CCR3: variants seen among roughly 807,000 people sequenced by gnomAD.
The protein encoded by CCR3 is C-C chemokine receptor type 3.
For missense variants in CCR3, 419 were observed against 437.5 expected (o/e 0.96, Z 0.38); for synonymous variants, 203 against 179.2 (o/e 1.13, Z -1.06).
chr3:46,265,484 T>C lies in CCR3; in HGVS notation c.326T>C (p.Leu109Pro), dbSNP rs1700603548. 1.2e-6 allele frequency: 2 copies of C among 1,614,096 alleles called. No individual in the cohort carries two copies. The highest frequency in any genetic ancestry group is 1.6e-4 in the Middle Eastern group (1 of 6,082). ...WVFGHGMCKL[L>P]SGFYHTGLYS... ...TTTGGCCATGGCATGTGTAAGCTCC[T>C]CTCAGGGTTTTATCACACAGGCTTG... is the stretch of plus-strand genomic sequence containing the variant. The change falls in exon 2 of 2, where the codon CTC becomes CCC. Residue 109 changes from leucine to proline, a missense_variant. Coordinates refer to ENST00000395940, the MANE Select transcript of CCR3 (RefSeq NM_178329.3).
At chr3:46,242,735 C>T (rs1559530819) in intron 1 of CCR3, among the ~76,000 whole-genome samples, 197 bp downstream of exon 1, 1 of 151,438 alleles carries the variant, frequency 6.6e-6, no homozygotes, top group Non-Finnish European at 1.5e-5. Flanking sequence ...TTCTAATTTT[C>T]CCTTTCTGTC....
intron 2 of CCR3, among the ~76,000 whole-genome samples, chr3:46,219,737 G>A: frequency 6.6e-6 from 1 of 152,102 alleles, no homozygotes; most frequent in South Asian, 2.1e-4. Flanking sequence ...CATAAAGTGG[G>A]GAAAGGACAC....
chr3:46,251,090 G>A (rs574649362), intron 1 of CCR3, among the ~76,000 whole-genome samples: 59 of 151,876 alleles, frequency 3.9e-4, no homozygotes, highest in Middle Eastern at 3.4e-3. Context: ...AAGCAGAGAA[G>A]GGGTAGAGAC....
At chr3:46,243,703 GATT>G (rs1359718403) in intron 1 of CCR3, among the ~76,000 whole-genome samples, 1 of 152,190 alleles carries the variant, frequency 6.6e-6, no homozygotes, top group Non-Finnish European at 1.5e-5. Flanking sequence ...AAATGGTGAT[GATT>G]ACACTGAACC....
At chr3:46,234,178 A>G (rs1459516586) in intron 2 of CCR3, among the ~76,000 whole-genome samples, 4 of 152,194 alleles carry the variant, frequency 2.6e-5, no homozygotes, top group Non-Finnish European at 4.4e-5. Context: ...TAGGTTTGAG[A>G]AATGCTGGAT....
At chr3:46,232,421 G>A (rs1699975289) in intron 2 of CCR3, among the ~76,000 whole-genome samples, 1 of 152,226 alleles carries the variant, frequency 6.6e-6, no homozygotes, top group African/African-American at 2.4e-5. Context: ...GGGGAACCAA[G>A]CGGTAGTAGA....
chr3:46,213,938 C>A (rs1266654878), intron 2 of CCR3, among the ~76,000 whole-genome samples: 2 of 152,204 alleles, frequency 1.3e-5, no homozygotes, highest in African/African-American at 4.8e-5. Flanking sequence ...AATTCCTTTG[C>A]TCTTTTCTGA....
intron 2 of CCR3, among the ~76,000 whole-genome samples, chr3:46,231,359 A>G (rs1379391534): frequency 6.6e-6 from 1 of 152,244 alleles, no homozygotes; most frequent in Non-Finnish European, 1.5e-5. Flanking sequence ...CAGTTTATAG[A>G]AGGCTCCAAA....
chr3:46,265,375 C>G lies in CCR3; in HGVS notation c.217C>G (p.Leu73Val). The change falls in exon 2 of 2, where the codon CTG (leucine) becomes GTG (valine). Residue 73 changes from leucine (L) to valine (V), a missense_variant. By Grantham distance (32) the Leu-to-Val change is conservative. Coordinates refer to ENST00000395940, the MANE Select transcript of CCR3 (RefSeq NM_178329.3). ...RRLRIMTNIY[L>V]LNLAISDLLF... ...GCTCCGAATTATGACCAACATCTAC[C>G]TGCTCAACCTGGCCATTTCGGACCT... 1 of 1,614,148 alleles carries G rather than the reference C, an allele frequency of 6.2e-7. No individual in the cohort carries two copies. Among genetic ancestry groups the G allele is most frequent in the East Asian group, 2.2e-5 (1 of 44,874 alleles).
rs1351067962 is a variant in CCR3, at chr3:46,265,440, CA to C, written c.283del (p.Arg95GlyfsTer30). 4.3e-6 allele frequency: 7 copies of C among 1,614,056 alleles called. No individual in the cohort carries two copies. The Admixed American group carries it at 5.0e-5, about 12-fold the overall frequency. ...CCCTTCCATTCTGGATCCACTATGT[CA>C]GGGGGCATAACTGGGTTTTTGGCCA... ...VTLPFWIHYV[R>X]GHNWVFGHGM... is the part of the protein sequence containing the mutation. On this transcript the variant is annotated frameshift_variant, in exon 2 of 2. Transcript: ENST00000395940. LOFTEE classifies it low-confidence loss of function (END_TRUNC).
chr3:46,261,229 T>C (rs1001232330), intron 1 of CCR3, among the ~76,000 whole-genome samples: 1 of 152,158 alleles, frequency 6.6e-6, no homozygotes, highest in Non-Finnish European at 1.5e-5. Context: ...ATCCTAAAGT[T>C]TAATAAAACA....
Position 46,222,975 on chromosome 3 carries a change from G to A in CCR3, c.-68+12068G>A, listed in dbSNP as rs549875277. Among the ~76,000 whole-genome samples the A allele has an allele frequency of 1.1e-4, 16 of 152,314 alleles. No homozygotes were observed. In the South Asian group the frequency reaches 3.3e-3, roughly 32 times the overall value. On this transcript the variant is annotated intron_variant, in intron 2 of 3. Transcript: ENST00000357422. The stretch of plus-strand genomic sequence containing the variant: ...CCCTTCATGCTAAAAAGGGGAAGGA[G>A]AAAGTATATTAAGGAAGTGCTCTAA...
chr3:46,254,994 G>T (rs1286768967), intron 1 of CCR3, among the ~76,000 whole-genome samples: 1 of 152,056 alleles, frequency 6.6e-6, no homozygotes, highest in East Asian at 1.9e-4. Flanking sequence ...TTCCATAGGG[G>T]TTGTACTAGT....
At chr3:46,231,020 G>C (rs13060802) in intron 2 of CCR3, among the ~76,000 whole-genome samples, 9,340 of 152,226 alleles carry the variant, frequency 0.061, 473 homozygotes, top group South Asian at 0.25. Context: ...TGCCTCCCGG[G>C]TTCAAACGAT....
chr3:46,234,473 C>T (rs1700002000), intron 2 of CCR3, among the ~76,000 whole-genome samples: 1 of 152,132 alleles, frequency 6.6e-6, no homozygotes, highest in Non-Finnish European at 1.5e-5. Context: ...TCAGAGTCCA[C>T]TTGGGCTCCA....
intron 1 of CCR3, among the ~76,000 whole-genome samples, chr3:46,245,462 T>C (rs1215637799): frequency 6.8e-6 from 1 of 146,374 alleles, no homozygotes; most frequent in African/African-American, 2.5e-5. Context: ...TCCAACCCTT[T>C]AATTAAAAAA....
upstream of CCR3, among the ~76,000 whole-genome samples, chr3:46,240,077 T>G (rs1255574266): frequency 6.6e-6 from 1 of 152,184 alleles, no homozygotes; most frequent in Non-Finnish European, 1.5e-5. Flanking sequence ...TGTCTTCAGA[T>G]GTCATTGACC....
intron 2 of CCR3, among the ~76,000 whole-genome samples, chr3:46,215,547 A>G (rs1699764202): frequency 6.6e-6 from 1 of 152,220 alleles, no homozygotes; most frequent in Non-Finnish European, 1.5e-5. Context: ...CCACAGGTTT[A>G]CTGGGTGGGA....
intron 2 of CCR3, among the ~76,000 whole-genome samples, chr3:46,215,474 C>G (rs954337471): frequency 6.6e-6 from 1 of 152,162 alleles, no homozygotes; most frequent in East Asian, 1.9e-4. Flanking sequence ...AGTGCTGGAC[C>G]CTGCTGTTCA....
Sources: allele counts gnomAD v4.1 joint callset (sites outside exome capture counted in the v4.1 genomes callset), GRCh38; gene constraint gnomAD v4.1.1; transcripts MANE v1.5; gene names NCBI Gene and HGNC (gene_info 2026-07-23, HGNC 2026-07-21).